ZDBF2: variants seen among roughly 807,000 people sequenced by gnomAD.
ZDBF2 encodes the protein DBF4-type zinc finger-containing protein 2.
ZDBF2 carries 6 observed loss-of-function variants against 9.4 expected under a neutral mutation model. That is an observed-to-expected ratio of 0.64 (90% CI 0.35 to 1.27). The LOEUF (loss-of-function observed/expected upper bound fraction) is 1.27. Ranked by LOEUF, ZDBF2 falls within the 50% of genes most tolerant of loss-of-function variation. ZDBF2 has a pLI of 0.03. For missense variants in ZDBF2, 2,697 were observed against 2,766.8 expected (o/e 0.97, Z 0.57); for synonymous variants, 905 against 946.3 (o/e 0.96, Z 0.80).
In ZDBF2 at chr2:206,309,722, C is replaced by G; in HGVS notation, c.5194C>G (p.Leu1732Val). ...GGCTGATAAAAAAAAACGTTCGAAG[C>G]TAAAACATAGAGATCTAGAAGTGAG... The part of the protein sequence containing the change: ...RRADKKKRSK[L>V]KHRDLEVSCE... The change falls in exon 5 of 5, where the codon CTA becomes GTA. Residue 1732 changes from leucine (L) to valine (V), a missense_variant. Transcript: ENST00000374423. 1 of 1,613,812 alleles carries G rather than the reference C, an allele frequency of 6.2e-7. No homozygotes were observed. The highest frequency in any genetic ancestry group is 2.2e-5 in the East Asian group (1 of 44,878).
Position 206,311,284 on chromosome 2 carries a change from A to G in ZDBF2, c.6756A>G (p.Lys2252=), listed in dbSNP as rs746840686. 1 of 1,608,826 alleles carries G rather than the reference A, an allele frequency of 6.2e-7. No homozygotes were observed. Among genetic ancestry groups the G allele is most frequent in the South Asian group, 1.1e-5 (1 of 90,242 alleles). The change falls in exon 5 of 5, where the codon AAA becomes AAG. Residue 2252 remains lysine, a synonymous_variant. Transcript: ENST00000374423. ...TTCTTGGAAGGTATCTGAAGAAGAA[A>G]AAATCTGTTGTCAGTAGGCTAAAGA... is the stretch of plus-strand genomic sequence containing the variant. The part of the protein sequence containing the change: ...SAFLGRYLKK[K]KSVVSRLKKA...
At chr2:206,297,580 TC>T (rs2105931043) in intron 4 of ZDBF2, among the ~76,000 whole-genome samples, 1 of 152,336 alleles carries the variant, frequency 6.6e-6, no homozygotes, top group African/African-American at 2.4e-5. Context: ...TATGTTTTTT[TC>T]TAAATAAAAG....
chr2:206,307,385 G>C lies in ZDBF2; in HGVS notation c.2857G>C (p.Val953Leu). The part of the protein sequence containing the change: ...KEHMYLENKS[V>L]FETSLDSDVP... The stretch of plus-strand genomic sequence containing the variant: ...GCACATGTACTTAGAAAATAAGAGT[G>C]TTTTTGAAACAAGTTTGGATTCTGA... Residue 953 changes from valine (V) to leucine (L), a missense_variant, in exon 5 of 5, where the codon GTT becomes CTT. By Grantham distance (32) the Val-to-Leu change is conservative. Around this residue, in one of 3 missense-constraint regions of ZDBF2, gnomAD observed 1,783 missense variants for 1,776.5 expected, o/e 1.00. Coordinates refer to ENST00000374423, the MANE Select transcript of ZDBF2 (RefSeq NM_020923.3). 1 of 1,613,052 alleles carries C rather than the reference G, an allele frequency of 6.2e-7. No individual in the cohort carries two copies. The highest frequency in any genetic ancestry group is 8.5e-7 in the Non-Finnish European group (1 of 1,179,666).
chr2:206,294,415 T>C (rs1471712063), intron 3 of ZDBF2, among the ~76,000 whole-genome samples: 1 of 152,238 alleles, frequency 6.6e-6, no homozygotes, highest in African/African-American at 2.4e-5. Flanking sequence ...AAATGAAGTT[T>C]TCTATTCACA....
chr2:206,283,320 C>T (rs1691420186), intron 3 of ZDBF2, among the ~76,000 whole-genome samples: 1 of 152,064 alleles, frequency 6.6e-6, no homozygotes. Flanking sequence ...TACCTTACCA[C>T]CAGCAATGTA....
chr2:206,290,836 C>A (rs1297429004), intron 3 of ZDBF2, among the ~76,000 whole-genome samples: 1 of 152,030 alleles, frequency 6.6e-6, no homozygotes, highest in East Asian at 1.9e-4. Context: ...GCCATTATTT[C>A]TTTTTCTTGC....
rs1693061531 is a variant in ZDBF2, at chr2:206,309,902, G to A, written c.5374G>A (p.Val1792Ile). The A allele has an allele frequency of 6.8e-6, 11 of 1,613,970 alleles. No homozygotes were observed. Among genetic ancestry groups the A allele is most frequent in the Non-Finnish European group, 8.5e-6 (10 of 1,179,898 alleles). Residue 1792 changes from valine (V) to isoleucine (I), a missense_variant, in exon 5 of 5, where the codon GTT becomes ATT. This residue lies in a region of ZDBF2 where 1,783 missense variants were observed against 1,776.5 expected (regional missense o/e 1.00). Coordinates refer to ENST00000374423, the MANE Select transcript of ZDBF2 (RefSeq NM_020923.3). ...EKNHDSQSSS[V>I]LKVDSVRNLK... ...GAACCATGATTCCCAGTCAAGCTCT[G>A]TTCTCAAGGTTGATTCTGTAAGGAA...
rs1203341179 is a variant in ZDBF2, at chr2:206,297,330, C to A, written c.145C>A (p.Gln49Lys). Residue 49 changes from glutamine (Q) to lysine (K), a missense_variant, in exon 4 of 5, where the codon CAG (glutamine) becomes AAG (lysine). Physicochemically the swap from Gln to Lys is moderately conservative, Grantham distance 53 (BLOSUM62 1). This residue lies in a region of ZDBF2 where 910 missense variants were observed against 973.6 expected (regional missense o/e 0.93). Transcript: ENST00000374423. ...CTSSLMERFL[Q>K]DVLQHHPYHC... ...CAGTAGTTTGATGGAACGTTTCTTA[C>A]AGGATGTACTGCAGCACCACCCATA... The A allele has an allele frequency of 6.2e-7, 1 of 1,613,692 alleles. No individual in the cohort carries two copies. Among genetic ancestry groups the A allele is most frequent in the African/African-American group, 1.3e-5 (1 of 75,022 alleles).
rs1692833111 is a variant in ZDBF2 at position 206,306,921 on chromosome 2, T to C, written c.2393T>C (p.Leu798Pro). 1 of 1,613,736 alleles carries C rather than the reference T, an allele frequency of 6.2e-7. No individual in the cohort carries two copies. The highest frequency in any genetic ancestry group is 1.7e-5 in the Admixed American group (1 of 59,994). Residue 798 changes from leucine (L) to proline (P), a missense_variant, in exon 5 of 5, where the codon CTT becomes CCT. Physicochemically the swap from Leu to Pro is moderately conservative, Grantham distance 98. This residue lies in a region of ZDBF2 where 910 missense variants were observed against 973.6 expected (regional missense o/e 0.93). Transcript: ENST00000374423. ...ATAACTTTTGATTCTGATATTCCTCTTTATTCAGTAATTGACCAACCTGAA... is the reference window on the plus strand; with the variant it reads ...ATAACTTTTGATTCTGATATTCCTCCTTATTCAGTAATTGACCAACCTGAA... ...SEITFDSDIP[L>P]YSVIDQPEVA...
In ZDBF2 at chr2:206,306,045, G is replaced by C. The variant is rs1164244598; in HGVS notation, c.1517G>C (p.Ser506Thr). ...TGTGATGCTTCACCTCAGTCCACTA[G>C]TGACTACCCCCAACAATCTGTAACA... ...FDCDASPQST[S>T]DYPQQSVTEV... is the part of the protein sequence containing the mutation. Residue 506 changes from serine to threonine, a missense_variant, in exon 5 of 5, where the codon AGT becomes ACT. By Grantham distance (58) the Ser-to-Thr change is moderately conservative (BLOSUM62 1). This residue lies in a region of ZDBF2 where 910 missense variants were observed against 973.6 expected (regional missense o/e 0.93). Transcript: ENST00000374423. 6.2e-7 allele frequency: 1 copy of C among 1,613,728 alleles called. No individual in the cohort carries two copies.
At position 206,305,721 on chromosome 2, in the gene ZDBF2, A is replaced by G; in HGVS notation, c.1193A>G (p.Asn398Ser). The G allele has an allele frequency of 6.2e-7, 1 of 1,613,796 alleles. No homozygotes were observed. The highest frequency in any genetic ancestry group is 8.5e-7 in the Non-Finnish European group (1 of 1,179,812). ...GAGGAGCAAATTGACCAAGAAGATAACTATGAGTCTAGAGGTTCAGAAATG... is the reference window on the plus strand; with the variant it reads ...GAGGAGCAAATTGACCAAGAAGATAGCTATGAGTCTAGAGGTTCAGAAATG... ...WKEEQIDQED[N>S]YESRGSEMSF... is the part of the protein sequence containing the mutation. Residue 398 changes from asparagine to serine, a missense_variant, in exon 5 of 5, where the codon AAC becomes AGC. This residue lies in a region of ZDBF2 where 910 missense variants were observed against 973.6 expected (regional missense o/e 0.93). Transcript: ENST00000374423.
chr2:206,294,992 C>T (rs1692093627), intron 3 of ZDBF2, among the ~76,000 whole-genome samples: 3 of 152,098 alleles, frequency 2.0e-5, no homozygotes, highest in African/African-American at 4.8e-5. Flanking sequence ...TGGAGAGTTT[C>T]GTAGCAGGAT....
chr2:206,296,206 A>G (rs1448210024), intron 3 of ZDBF2, among the ~76,000 whole-genome samples: 1 of 152,222 alleles, frequency 6.6e-6, no homozygotes, highest in Non-Finnish European at 1.5e-5. Context: ...GCTCGAAAAT[A>G]TTAAATGGAA....
At chr2:206,281,124 A>G (rs183081881) in intron 2 of ZDBF2, among the ~76,000 whole-genome samples, 71 of 152,338 alleles carry the variant, frequency 4.7e-4, no homozygotes, top group Admixed American at 1.8e-3. Context: ...TGCAGTATGT[A>G]ATGTTGAAGG....
chr2:206,310,965 T>A lies in ZDBF2; in HGVS notation c.6437T>A (p.Phe2146Tyr). The change falls in exon 5 of 5, where the codon TTC becomes TAC. Residue 2146 changes from phenylalanine to tyrosine, a missense_variant. By Grantham distance (22) the Phe-to-Tyr change is conservative. Coordinates refer to ENST00000374423, the MANE Select transcript of ZDBF2 (RefSeq NM_020923.3). ...CGTGAGCTTCCAAAGAAAAGAAATTTCCAGCTAACATTTTTAAATCATGAT... is the reference window on the plus strand; with the variant it reads ...CGTGAGCTTCCAAAGAAAAGAAATTACCAGCTAACATTTTTAAATCATGAT... The part of the protein sequence containing the change: ...HARELPKKRN[F>Y]QLTFLNHDVV... 3 of 1,613,700 alleles carry A rather than the reference T, an allele frequency of 1.9e-6. No homozygotes were observed. Among genetic ancestry groups the A allele is most frequent in the Non-Finnish European group, 1.7e-6 (2 of 1,179,828 alleles).
Position 206,308,968 on chromosome 2 carries a change from G to A in ZDBF2, c.4440G>A (p.Lys1480=). ...QVSYKEADLQ[K]EEHVVMEEKT... ...CTTACAAAGAGGCAGACCTTCAGAA[G>A]GAAGAGCATGTTGTCATGGAAGAAA... Residue 1480 remains lysine, a synonymous_variant, in exon 5 of 5, where the codon AAG becomes AAA. Coordinates refer to ENST00000374423, the MANE Select transcript of ZDBF2 (RefSeq NM_020923.3). The A allele has an allele frequency of 6.2e-7, 1 of 1,613,652 alleles. No homozygotes were observed. Among genetic ancestry groups the A allele is most frequent in the Non-Finnish European group, 8.5e-7 (1 of 1,179,720 alleles).
At chr2:206,284,595 A>G (rs994362954) in intron 3 of ZDBF2, among the ~76,000 whole-genome samples, 8 of 152,194 alleles carry the variant, frequency 5.3e-5, no homozygotes, top group African/African-American at 1.7e-4. Context: ...TCCTCTCCCA[A>G]TTTCTCTTCC....
chr2:206,299,381 C>A (rs1227505680), intron 4 of ZDBF2, among the ~76,000 whole-genome samples: 2 of 151,896 alleles, frequency 1.3e-5, no homozygotes, highest in African/African-American at 2.4e-5. Flanking sequence ...TCCAAAATAA[C>A]CACAGAGGGC....
intron 3 of ZDBF2, among the ~76,000 whole-genome samples, chr2:206,285,021 G>A (rs1164588389): frequency 6.6e-6 from 1 of 152,138 alleles, no homozygotes; most frequent in Non-Finnish European, 1.5e-5. Context: ...GAGCCACTGC[G>A]CCTGGCCCCT....
Sources: allele counts gnomAD v4.1 joint callset (sites outside exome capture counted in the v4.1 genomes callset), GRCh38; gene constraint gnomAD v4.1.1; regional missense constraint gnomAD v4.1.1; transcripts MANE v1.5; gene names NCBI Gene and HGNC (gene_info 2026-07-23, HGNC 2026-07-21).